Variants in FRMPD4 observed in about 807,000 individuals in gnomAD.
The protein encoded by FRMPD4 is FERM and PDZ domain-containing protein 4.
A neutral mutation model predicts 94.1 loss-of-function variants in FRMPD4; 22 were observed. The ratio of observed to expected loss-of-function variants is 0.23; its 90% CI spans 0.17 to 0.33. The LOEUF (loss-of-function observed/expected upper bound fraction) is 0.33, where lower values mean the gene tolerates loss of function less well. Among genes scored for constraint, FRMPD4 ranks in the 10% least tolerant of loss-of-function variants. The pLI, the probability that FRMPD4 is intolerant of heterozygous loss-of-function variation, is 1.00. For synonymous variants in FRMPD4, 631 were observed against 548.6 expected (o/e 1.15, Z -2.10); for missense variants, 1,111 against 1,339.9 (o/e 0.83, Z 2.67).
At chrX:12,046,151 A>G (rs1046343268) in intron 3 of FRMPD4, among the ~76,000 whole-genome samples, 1 of 111,520 alleles carries the variant, frequency 9.0e-6, no homozygotes, top group Non-Finnish European at 1.9e-5. Context: ...AAGAATTAAT[A>G]CACTATTCTT....
At chrX:12,217,446 C>A (rs1235786436) in intron 1 of FRMPD4, among the ~76,000 whole-genome samples, 1 of 111,963 alleles carries the variant, frequency 8.9e-6, no homozygotes, top group Non-Finnish European at 1.9e-5. Flanking sequence ...GCGTCAGTCT[C>A]ATAATCTGAA....
At chrX:12,303,575 A>G (rs2054892227) in intron 1 of FRMPD4, among the ~76,000 whole-genome samples, 1 of 112,056 alleles carries the variant, frequency 8.9e-6, no homozygotes, top group Non-Finnish European at 1.9e-5. Flanking sequence ...CTAAACTGAT[A>G]TCTCATTTTA....
At chrX:12,457,578 CT>C (rs1393240244) in intron 1 of FRMPD4, among the ~76,000 whole-genome samples, 3 of 111,683 alleles carry the variant, frequency 2.7e-5, no homozygotes, top group East Asian at 2.8e-4. Context: ...GCTTAAATAA[CT>C]TGACAATGTG....
intron 2 of FRMPD4, among the ~76,000 whole-genome samples, chrX:12,581,745 A>T (rs1049822501): frequency 9.0e-6 from 1 of 111,226 alleles, no homozygotes; most frequent in Admixed American, 9.5e-5. Flanking sequence ...TGAACATGCC[A>T]GGCACCCTGC....
chrX:12,250,437 TAA>T (rs2054022628), intron 1 of FRMPD4, among the ~76,000 whole-genome samples: 2 of 111,867 alleles, frequency 1.8e-5, no homozygotes, highest in Admixed American at 1.9e-4. Flanking sequence ...TATGAATTCT[TAA>T]GTTACTTTTC....
At chrX:12,353,542 C>G (rs1027760540) in intron 1 of FRMPD4, among the ~76,000 whole-genome samples, 4 of 111,828 alleles carry the variant, frequency 3.6e-5, no homozygotes, top group Non-Finnish European at 7.5e-5. Flanking sequence ...AATTATCAAC[C>G]CTTAAGCTTC....
intron 1 of FRMPD4, among the ~76,000 whole-genome samples, chrX:12,230,727 T>G (rs916363770): frequency 9.5e-6 from 1 of 105,670 alleles, no homozygotes; most frequent in Non-Finnish European, 1.9e-5. Flanking sequence ...TATTTGCATT[T>G]GTTATTTAAA....
intron 1 of FRMPD4, among the ~76,000 whole-genome samples, chrX:12,481,829 C>G (rs769367689): frequency 8.3e-4 from 86 of 103,918 alleles, no homozygotes; most frequent in African/African-American, 2.9e-3. Flanking sequence ...GTAGTCCCAG[C>G]TGCTGGGGAG....
rs958388801 is a variant in FRMPD4 at position 12,158,303 on chromosome X, C to T, written c.41+19291C>T. Among the ~76,000 whole-genome samples, 13 of 112,053 alleles carry T rather than the reference C, an allele frequency of 1.2e-4. No homozygotes were observed. In the East Asian group the frequency reaches 3.3e-3, roughly 29 times the overall value. On this transcript the variant is annotated intron_variant, in intron 1 of 16. Coordinates refer to ENST00000675598, the MANE Select transcript of FRMPD4 (RefSeq NM_001368397.1). ...AAAAAAATCTTTGTCTCTCACTTGC[C>T]TAAATGAGTACAATTGACACTGTAG...
At chrX:12,302,085 C>T (rs1399872512) in intron 1 of FRMPD4, among the ~76,000 whole-genome samples, 1 of 112,071 alleles carries the variant, frequency 8.9e-6, no homozygotes, top group African/African-American at 3.2e-5. Context: ...ATACCTCAGT[C>T]CCAAGATAAC....
At chrX:12,334,331 C>T (rs773260251) in intron 1 of FRMPD4, among the ~76,000 whole-genome samples, 2 of 111,139 alleles carry the variant, frequency 1.8e-5, no homozygotes, top group Admixed American at 1.9e-4. Flanking sequence ...CTTTCTTTCT[C>T]GGATTCGTGT....
chrX:12,188,291 T>C (rs1367110564), intron 1 of FRMPD4, among the ~76,000 whole-genome samples: 1 of 112,163 alleles, frequency 8.9e-6, no homozygotes, highest in African/African-American at 3.2e-5. Flanking sequence ...TCTCTACACC[T>C]TGGATGGTGT....
intron 2 of FRMPD4, among the ~76,000 whole-genome samples, chrX:12,608,309 T>C (rs2059149784): frequency 8.9e-6 from 1 of 112,865 alleles, no homozygotes; most frequent in Non-Finnish European, 1.9e-5. Context: ...GTTTTCTTAT[T>C]GGTAAAATCC....
chrX:12,497,389 C>T (rs1039721517), intron 1 of FRMPD4, among the ~76,000 whole-genome samples: 2 of 108,364 alleles, frequency 1.8e-5, no homozygotes, highest in Admixed American at 9.8e-5. Flanking sequence ...TTTGGTTTTG[C>T]GTGTGGTTTT....
intron 1 of FRMPD4, among the ~76,000 whole-genome samples, chrX:12,233,500 T>C (rs1037462520): frequency 8.9e-6 from 1 of 111,901 alleles, no homozygotes; most frequent in Non-Finnish European, 1.9e-5. Context: ...TTATTTTTTA[T>C]AACCTTAGCC....
At chrX:12,535,545 T>G (rs980667735) in intron 2 of FRMPD4, among the ~76,000 whole-genome samples, 1 of 112,280 alleles carries the variant, frequency 8.9e-6, no homozygotes, top group African/African-American at 3.2e-5. Flanking sequence ...AAATGTCAGC[T>G]CCATACTTAC....
intron 1 of FRMPD4, among the ~76,000 whole-genome samples, chrX:11,854,247 C>A (rs1023333826): frequency 9.0e-6 from 1 of 111,124 alleles, no homozygotes; most frequent in Non-Finnish European, 1.9e-5. Flanking sequence ...TCTACCTGGT[C>A]CCTCCCTCAA....
At chrX:12,539,938 C>T (rs2058387558) in intron 2 of FRMPD4, among the ~76,000 whole-genome samples, 1 of 112,102 alleles carries the variant, frequency 8.9e-6, no homozygotes, top group Non-Finnish European at 1.9e-5. Flanking sequence ...CCAGCTTCAA[C>T]ATTCTTAAAG....
chrX:12,563,150 G>A (rs915372156), intron 2 of FRMPD4, among the ~76,000 whole-genome samples: 6 of 111,231 alleles, frequency 5.4e-5, no homozygotes, highest in Admixed American at 9.6e-5. Context: ...GGCTGTCAAT[G>A]TTGAAACTGA....
Sources: gnomAD v4.1 joint callset for allele counts (sites outside exome capture counted in the v4.1 genomes callset) on GRCh38, gnomAD v4.1.1 for gene constraint, MANE v1.5 for transcripts, NCBI Gene and HGNC (gene_info 2026-07-23, HGNC 2026-07-21) for gene names.